Variants in CNOT4 observed in about 807,000 individuals in gnomAD.
The protein encoded by CNOT4 is CCR4-NOT transcription complex subunit 4.
CNOT4 carries 8 observed loss-of-function variants against 73.8 expected under a neutral mutation model. The observed-to-expected ratio is 0.11, with a 90% CI of 0.06 to 0.20. The LOEUF (loss-of-function observed/expected upper bound fraction) is 0.20, where lower values mean the gene tolerates loss of function less well. Ranked by LOEUF, CNOT4 falls within the 10% of genes least tolerant of loss-of-function variation. CNOT4 has a pLI of 1.00. For missense variants in CNOT4, 564 were observed against 883.4 expected (o/e 0.64, Z 4.58); for synonymous variants, 293 against 321.1 (o/e 0.91, Z 0.94).
At chr7:135,493,862 G>A (rs539975198) in intron 1 of CNOT4, among the ~76,000 whole-genome samples, 2 of 152,282 alleles carry the variant, frequency 1.3e-5, no homozygotes, top group African/African-American at 4.8e-5. Flanking sequence ...TAATGCACTT[G>A]TAAGGTGTTA....
At chr7:135,392,137 T>C (rs965739729) in intron 10 of CNOT4, among the ~76,000 whole-genome samples, 5 of 152,076 alleles carry the variant, frequency 3.3e-5, no homozygotes, top group Non-Finnish European at 7.4e-5. Context: ...GATATGATAG[T>C]AGGGATCAAT....
intron 10 of CNOT4, among the ~76,000 whole-genome samples, chr7:135,380,242 T>C (rs1310930736): frequency 4.6e-5 from 7 of 152,222 alleles, no homozygotes; most frequent in Non-Finnish European, 1.0e-4. Flanking sequence ...ATGTAATACA[T>C]CTTGGTGCCA....
chr7:135,439,556 G>A (rs559160285), intron 1 of CNOT4, among the ~76,000 whole-genome samples: 1 of 152,306 alleles, frequency 6.6e-6, no homozygotes, highest in South Asian at 2.1e-4. Flanking sequence ...CTTGAGGGCA[G>A]GAGTTCAGCT....
chr7:135,501,965 T>C (rs1258366455), intron 1 of CNOT4, among the ~76,000 whole-genome samples: 2 of 152,214 alleles, frequency 1.3e-5, no homozygotes, highest in African/African-American at 2.4e-5. Flanking sequence ...CCCTCATCAA[T>C]GATAATGCCA....
intron 10 of CNOT4, among the ~76,000 whole-genome samples, chr7:135,379,531 A>G (rs1367266279): frequency 1.3e-5 from 2 of 152,298 alleles, no homozygotes; most frequent in East Asian, 3.9e-4. Flanking sequence ...CTTACTCTAA[A>G]TGGGGATTGG....
intron 1 of CNOT4, among the ~76,000 whole-genome samples, chr7:135,477,283 C>T (rs181510296): frequency 1.3e-4 from 20 of 151,692 alleles, no homozygotes; most frequent in African/African-American, 4.8e-4. Flanking sequence ...GCAGAGGTTG[C>T]AGTGAGCTGG....
rs1796415720 is a variant in CNOT4, at chr7:135,391,832, G to A, written c.1627+2086C>T. 1.3e-5 allele frequency among the ~76,000 whole-genome samples: 2 copies of A among 151,990 alleles called. 1 individual carries two copies. The highest frequency in any genetic ancestry group is 2.9e-5 in the Non-Finnish European group (2 of 67,912). ...TGAAATTGGAAGAAAATCAAAGATC[G>A]TCATGTAATAAGTCAAATAAAAGCA... On this transcript the variant is annotated intron_variant, in intron 10 of 11. Transcript: ENST00000541284.
intron 3 of CNOT4, 51 bp downstream of exon 3, chr7:135,422,105 A>C: frequency 9.4e-7 from 1 of 1,069,450 alleles, no homozygotes; most frequent in South Asian, 1.3e-5. Context: ...TTTCCAAGTA[A>C]GACAAGGAAA....
chr7:135,411,317 A>C (rs2129484081), intron 6 of CNOT4, among the ~76,000 whole-genome samples: 1 of 152,144 alleles, frequency 6.6e-6, no homozygotes, highest in East Asian at 1.9e-4. Context: ...ATGCCCATTC[A>C]TTTACATATT....
chr7:135,388,212 AAGAG>A (rs373979018), intron 10 of CNOT4: 23 of 985,174 alleles, frequency 2.3e-5, no homozygotes, highest in Middle Eastern at 5.2e-4. Context: ...AAAAGTGCAA[AAGAG>A]AGAGAACAAA....
intron 1 of CNOT4, among the ~76,000 whole-genome samples, chr7:135,446,752 T>C (rs1201737364): frequency 6.6e-6 from 1 of 151,336 alleles, no homozygotes; most frequent in Non-Finnish European, 1.5e-5. Flanking sequence ...CACACACACA[T>C]GCACACTTTG....
At chr7:135,428,701 A>C (rs763818343) in intron 2 of CNOT4, among the ~76,000 whole-genome samples, 7 of 152,186 alleles carry the variant, frequency 4.6e-5, no homozygotes, top group Non-Finnish European at 8.8e-5. Flanking sequence ...ATTAAGAGAC[A>C]TAGAAGACAG....
rs371308276 is a variant in CNOT4 at position 135,362,996 on chromosome 7, A to G, written c.2031T>C (p.Pro677=). The change falls in exon 12 of 12, where the codon CCT becomes CCC. Residue 677 remains proline, a synonymous_variant. Coordinates refer to ENST00000541284, the MANE Select transcript of CNOT4 (RefSeq NM_001190850.2). The part of the protein sequence containing the change: ...HRASWNPYPP[P]SNPSSFHSPP... ...GGGAGTGGAAGCTGGAAGGGTTTGA[A>G]GGAGGAGGGTAGGGATTCCAACTGG... 70 of 1,612,712 alleles carry G rather than the reference A, an allele frequency of 4.3e-5. No homozygotes were observed. The highest frequency in any genetic ancestry group is 5.2e-5 in the Non-Finnish European group (61 of 1,179,736).
chr7:135,368,885 A>T (rs1243941900), intron 10 of CNOT4, among the ~76,000 whole-genome samples: 1 of 152,196 alleles, frequency 6.6e-6, no homozygotes, highest in Non-Finnish European at 1.5e-5. Context: ...CATTAATAGC[A>T]CCTAGTGGGT....
intron 10 of CNOT4, among the ~76,000 whole-genome samples, chr7:135,376,185 G>C (rs1451271571): frequency 6.6e-6 from 1 of 152,102 alleles, no homozygotes; most frequent in East Asian, 1.9e-4. Flanking sequence ...CAAAAGTCCA[G>C]ATTAACACAA....
chr7:135,434,660 A>C (rs970700905), intron 2 of CNOT4, among the ~76,000 whole-genome samples: 1 of 152,160 alleles, frequency 6.6e-6, no homozygotes, highest in Non-Finnish European at 1.5e-5. Context: ...CTATATGCTA[A>C]CTGACACCAA....
Position 135,444,627 on chromosome 7 carries a change from TC to T in CNOT4, c.-92-6205del, listed in dbSNP as rs1420922529. The T allele has an allele frequency of 3.2e-6, 4 of 1,239,792 alleles. No homozygotes were observed. The East Asian group carries it at 9.3e-5, about 29-fold the overall frequency. The allele number at this position is 1,239,792 out of a possible 1,614,324, so 76.8% of individuals were successfully genotyped here. A position where few individuals can be genotyped will look rare whatever the true frequency, so the allele number is the denominator to read the frequency against. ...CTTGTCACCGAGCCACCATTCTGGT[TC>T]CAAGGCTGCATCTCTCCACTGGACT... On this transcript the variant is annotated intron_variant, in intron 1 of 11. Coordinates refer to ENST00000541284, the MANE Select transcript of CNOT4 (RefSeq NM_001190850.2).
chr7:135,414,506 T>C, intron 4 of CNOT4, 74 bp from the exon 5 acceptor site: 1 of 722,950 alleles, frequency 1.4e-6, no homozygotes, highest in South Asian at 1.7e-5. Flanking sequence ...TACTGCAACC[T>C]AGGGAATTCT....
intron 10 of CNOT4, 113 bp downstream of exon 10, chr7:135,393,805 T>A: frequency 2.8e-6 from 2 of 719,698 alleles, no homozygotes; most frequent in Admixed American, 5.0e-5. Flanking sequence ...TAATCTTTCA[T>A]AGACATTTCC....
Sources: allele counts gnomAD v4.1 joint callset (sites outside exome capture counted in the v4.1 genomes callset), GRCh38; gene constraint gnomAD v4.1.1; transcripts MANE v1.5; gene names NCBI Gene and HGNC (gene_info 2026-07-23, HGNC 2026-07-21).